The following CHRDL1 variants were observed in gnomAD, a reference collection of about 807,000 sequenced individuals.
CHRDL1 encodes the protein chordin like 1.
In CHRDL1, 19 loss-of-function variants were observed where a neutral mutation model predicts 40.9. That is an observed-to-expected ratio of 0.46 (90% confidence interval 0.32 to 0.68). The LOEUF is 0.68. Ranked by LOEUF, CHRDL1 falls within the 30% of genes least tolerant of loss-of-function variation. The probability of loss-of-function intolerance (pLI) is 0.03; values close to 1 mark genes in which losing one functional copy is unlikely to be tolerated. For synonymous variants in CHRDL1, 136 were observed against 123.4 expected (o/e 1.10, Z -0.68); for missense variants, 329 against 352.1 (o/e 0.93, Z 0.53).
Position 110,780,459 on chromosome X carries a change from C to A in CHRDL1, c.94+11629G>T, listed in dbSNP as rs747499256. Reference sequence around the variant, plus strand: ...CCTCATGACTAATTACATAGTTCTACACCAATACACAGCTGAACCATAATT... The same window carrying A: ...CCTCATGACTAATTACATAGTTCTAAACCAATACACAGCTGAACCATAATT... On this transcript the variant is annotated intron_variant, in intron 2 of 11. Transcript: ENST00000372042. 5.4e-5 allele frequency among the ~76,000 whole-genome samples: 6 copies of A among 111,836 alleles called. No homozygotes were observed. The South Asian group carries it at 1.1e-3, about 21-fold the overall frequency.
chrX:110,721,612 G>A, intron 4 of CHRDL1, 82 bp from the exon 5 acceptor site: 2 of 813,748 alleles, frequency 2.5e-6, no homozygotes. Flanking sequence ...AGACGGGGCT[G>A]TACTACATAG....
chrX:110,760,101 T>C (rs1351541904), intron 3 of CHRDL1, among the ~76,000 whole-genome samples: 1 of 111,940 alleles, frequency 8.9e-6, no homozygotes, highest in Non-Finnish European at 1.9e-5. Flanking sequence ...GATTTCATAA[T>C]CACCTGTCCA....
rs779600836 is a variant in CHRDL1 at position 110,676,280 on chromosome X, T to C, written c.1328A>G (p.Asp443Gly). 8.3e-7 allele frequency: 1 copy of C among 1,207,361 alleles called. No individual in the cohort carries two copies. Among genetic ancestry groups the C allele is most frequent in the Non-Finnish European group, 1.1e-6 (1 of 892,913 alleles). ...CTCCAGGTACAAAACCTTGACTAAA[T>C]CTTCAAGCTCTGTTCTGCATACACG... Reference protein sequence around the residue: ...SSRVCRTELEDLVKVLYLERS... With the variant: ...SSRVCRTELEGLVKVLYLERS... The change falls in exon 12 of 12, where the codon GAT (aspartate) becomes GGT (glycine). Residue 443 changes from aspartate (D) to glycine (G), a missense_variant. Asp to Gly is a moderately conservative substitution (Grantham distance 94, BLOSUM62 -1). Transcript: ENST00000372042.
intron 4 of CHRDL1, among the ~76,000 whole-genome samples, chrX:110,753,998 A>T (rs999155541): frequency 3.6e-5 from 4 of 112,382 alleles, no homozygotes; most frequent in Non-Finnish European, 7.5e-5. Flanking sequence ...CAGCAAATTA[A>T]TATTTTGCAC....
At chrX:110,772,570 C>T (rs1238197893) in intron 2 of CHRDL1, among the ~76,000 whole-genome samples, 1 of 112,540 alleles carries the variant, frequency 8.9e-6, no homozygotes, top group Non-Finnish European at 1.9e-5. Context: ...ACCTGAGAGG[C>T]GGAGGTTGCA....
At chrX:110,680,843 T>C (rs1247312547) in intron 10 of CHRDL1, among the ~76,000 whole-genome samples, 1 of 112,126 alleles carries the variant, frequency 8.9e-6, no homozygotes, top group Non-Finnish European at 1.9e-5. Context: ...TGGTAGTCAC[T>C]GTGAGTAATC....
intron 2 of CHRDL1, among the ~76,000 whole-genome samples, chrX:110,772,716 C>T (rs771758804): frequency 3.9e-4 from 44 of 112,448 alleles, no homozygotes; most frequent in African/African-American, 1.4e-3. Context: ...AATAGATCAA[C>T]AGAATAAAAT....
At chrX:110,720,353 G>C (rs1382120484) in intron 5 of CHRDL1, among the ~76,000 whole-genome samples, 1 of 111,650 alleles carries the variant, frequency 9.0e-6, no homozygotes, top group Non-Finnish European at 1.9e-5. Flanking sequence ...CCAAACCAAA[G>C]GAACAAGCTC....
At chrX:110,685,180 A>C (rs1174343398) in intron 9 of CHRDL1, among the ~76,000 whole-genome samples, 6 of 112,505 alleles carry the variant, frequency 5.3e-5, no homozygotes, top group African/African-American at 1.9e-4. Flanking sequence ...GTCACAAGAA[A>C]ATGGTCACTG....
At chrX:110,704,833 T>C (rs955617417) in intron 6 of CHRDL1, among the ~76,000 whole-genome samples, 6 of 110,979 alleles carry the variant, frequency 5.4e-5, no homozygotes, top group African/African-American at 1.3e-4. Flanking sequence ...TATAATGTGG[T>C]TTCAAGCCTA....
chrX:110,710,677 G>T (rs1005039085), intron 6 of CHRDL1, among the ~76,000 whole-genome samples: 2 of 111,888 alleles, frequency 1.8e-5, no homozygotes, highest in Non-Finnish European at 3.8e-5. Context: ...CAGCAAGTAC[G>T]TGGGGATGAA....
chrX:110,716,650 T>A (rs956135821), intron 6 of CHRDL1, among the ~76,000 whole-genome samples: 2 of 110,309 alleles, frequency 1.8e-5, no homozygotes, highest in African/African-American at 3.3e-5. Context: ...GTGGAGAAAT[T>A]AGGGATGGAA....
In CHRDL1 at chrX:110,762,701, G is replaced by A; in HGVS notation, c.201C>T (p.Cys67=). ...YGLVYCVNCI[C]SENGNVLCSR... Reference sequence around the variant, plus strand: ...ATGTCATGAGAGATTGTACCTCTGAGCAGATGCAGTTCACGCAGTAAACCA... The same window carrying A: ...ATGTCATGAGAGATTGTACCTCTGAACAGATGCAGTTCACGCAGTAAACCA... The change falls in exon 3 of 12, where the codon TGC becomes TGT. Residue 67 remains cysteine, a synonymous_variant. Transcript: ENST00000372042. The A allele has an allele frequency of 1.8e-6, 2 of 1,115,906 alleles. No homozygotes were observed. The highest frequency in any genetic ancestry group is 3.0e-5 in the East Asian group (1 of 33,031). The allele number at this position is 1,115,906 out of a possible 1,213,427, so 92.0% of individuals were successfully genotyped here. A position where few individuals can be genotyped will look rare whatever the true frequency, so the allele number is the denominator to read the frequency against.
chrX:110,689,450 C>CTA (rs1254423174), intron 8 of CHRDL1, among the ~76,000 whole-genome samples: 1 of 58,895 alleles, frequency 1.7e-5, no homozygotes, highest in African/African-American at 2.0e-4. Flanking sequence ...CTATATATAT[C>CTA]TATATATCTA....
chrX:110,740,958 G>C (rs1301463419), intron 4 of CHRDL1, among the ~76,000 whole-genome samples: 13 of 112,289 alleles, frequency 1.2e-4, no homozygotes, highest in Non-Finnish European at 2.3e-4. Context: ...CTACAGCAGA[G>C]ACTTCAAGGC....
At chrX:110,725,482 T>G (rs931979402) in intron 4 of CHRDL1, among the ~76,000 whole-genome samples, 1 of 110,045 alleles carries the variant, frequency 9.1e-6, no homozygotes, top group Non-Finnish European at 1.9e-5. Flanking sequence ...TCAGAGCAAC[T>G]GGCAAATTTT....
intron 3 of CHRDL1, among the ~76,000 whole-genome samples, chrX:110,760,628 G>A (rs2089546858): frequency 9.0e-6 from 1 of 111,624 alleles, no homozygotes; most frequent in Non-Finnish European, 1.9e-5. Context: ...CATCTCCAAC[G>A]TGTCGAAATG....
At chrX:110,706,399 C>A (rs2070640045) in intron 6 of CHRDL1, among the ~76,000 whole-genome samples, 1 of 111,882 alleles carries the variant, frequency 8.9e-6, no homozygotes, top group Non-Finnish European at 1.9e-5. Flanking sequence ...ATTCATTTAA[C>A]CCTAAAAGCC....
At chrX:110,718,978 T>G (rs2070895169) in intron 6 of CHRDL1, among the ~76,000 whole-genome samples, 1 of 111,935 alleles carries the variant, frequency 8.9e-6, no homozygotes, top group Admixed American at 9.5e-5. Flanking sequence ...AAGGGAATCC[T>G]TTTTGTAACT....
Sources: gnomAD v4.1 joint callset for allele counts (sites outside exome capture counted in the v4.1 genomes callset) on GRCh38, gnomAD v4.1.1 for gene constraint, MANE v1.5 for transcripts, NCBI Gene and HGNC (gene_info 2026-07-23, HGNC 2026-07-21) for gene names.